HIGD1C: variants seen among roughly 807,000 people sequenced by gnomAD.
HIGD1C encodes the protein HIG1 domain family member 1C.
Under a neutral mutation model 13.1 loss-of-function variants are expected in HIGD1C, and 11 were observed. That is an observed-to-expected ratio of 0.84 (90% CI 0.53 to 1.39). The LOEUF (loss-of-function observed/expected upper bound fraction) is 1.39. Among genes scored for constraint, HIGD1C ranks in the 40% most tolerant of loss-of-function variants. The probability of loss-of-function intolerance (pLI) is 0.00; values close to 1 mark genes in which losing one functional copy is unlikely to be tolerated. For synonymous variants in HIGD1C, 36 were observed against 37.7 expected, an observed-to-expected ratio of 0.95 and a Z score of 0.17; for missense variants, 110 against 112.0, an observed-to-expected ratio of 0.98 and a Z score of 0.08.
At chr12:50,945,602 C>T in the HIGD1C span, among the ~76,000 whole-genome samples, 180 of 152,262 alleles carry the variant, frequency 1.2e-3, 1 homozygote, top group Non-Finnish European at 1.9e-3. Context: ...AATGGAAGAA[C>T]ATTCCATGCT....
At chr12:50,952,722 C>T (rs1363037793), upstream of HIGD1C, among the ~76,000 whole-genome samples, 2 of 152,190 alleles carry the variant, frequency 1.3e-5, no homozygotes, top group Non-Finnish European at 2.9e-5. Context: ...CCAGGTGAGC[C>T]CGGCGGGCTC....
At chr12:50,971,433 G>A (rs921710335), downstream of HIGD1C, among the ~76,000 whole-genome samples, 96 of 152,130 alleles carry the variant, frequency 6.3e-4, no homozygotes, top group Non-Finnish European at 1.3e-4. Context: ...AGACTTTAAA[G>A]TAGTTCTAGG....
the HIGD1C span, among the ~76,000 whole-genome samples, chr12:50,940,990 A>T: frequency 6.6e-6 from 1 of 151,810 alleles, no homozygotes. Flanking sequence ...GACCACAGGC[A>T]TGTGCCACCA....
At chr12:50,933,084 G>C in the HIGD1C span, among the ~76,000 whole-genome samples, 3 of 152,156 alleles carry the variant, frequency 2.0e-5, no homozygotes, top group Admixed American at 6.5e-5. Context: ...AAGTGGTGTG[G>C]CAAATATTAT....
chr12:50,937,904 A>C, the HIGD1C span, among the ~76,000 whole-genome samples: 1 of 152,074 alleles, frequency 6.6e-6, no homozygotes, highest in Non-Finnish European at 1.5e-5. Flanking sequence ...GTGCATGCTG[A>C]TGGGTCCATG....
downstream of HIGD1C, chr12:50,970,522 A>G: frequency 6.8e-7 from 1 of 1,475,070 alleles, no homozygotes; most frequent in Non-Finnish European, 9.2e-7. Context: ...ACATGCTGGA[A>G]GCAAGAAAGA....
intron 1 of HIGD1C, among the ~76,000 whole-genome samples, chr12:50,959,743 G>A (rs1046043158): frequency 1.3e-5 from 2 of 152,064 alleles, no homozygotes; most frequent in African/African-American, 4.8e-5. Context: ...CACCTCCTGG[G>A]TTCAAGTGAT....
the HIGD1C span, among the ~76,000 whole-genome samples, chr12:50,941,166 T>C: frequency 6.6e-6 from 1 of 152,132 alleles, no homozygotes; most frequent in Non-Finnish European, 1.5e-5. Context: ...TTTTTCATTT[T>C]TAGTAGAGAT....
intron 1 of HIGD1C, among the ~76,000 whole-genome samples, chr12:50,959,113 T>C (rs1323478916): frequency 2.0e-5 from 3 of 152,150 alleles, no homozygotes; most frequent in Non-Finnish European, 4.4e-5. Flanking sequence ...ACATCTACCA[T>C]ATCCTCTTTT....
At chr12:50,951,417 G>A (rs1047456213), upstream of HIGD1C, among the ~76,000 whole-genome samples, 1 of 152,208 alleles carries the variant, frequency 6.6e-6, no homozygotes, top group African/African-American at 2.4e-5. Context: ...TTAAACATTT[G>A]TCAGCACCAC....
intron 1 of HIGD1C, among the ~76,000 whole-genome samples, chr12:50,957,123 GAAT>G (rs1939124745): frequency 5.3e-5 from 8 of 151,722 alleles, no homozygotes; most frequent in Admixed American, 5.3e-4. Context: ...GATCATGAAA[GAAT>G]AAATATATCC....
intron 1 of HIGD1C, among the ~76,000 whole-genome samples, chr12:50,958,037 C>T (rs1286205820): frequency 1.3e-5 from 2 of 148,828 alleles, no homozygotes. Context: ...AACTTCTGAC[C>T]TCAAGTGATA....
the HIGD1C span, among the ~76,000 whole-genome samples, chr12:50,942,505 C>T: frequency 6.6e-6 from 1 of 152,234 alleles, no homozygotes; most frequent in East Asian, 1.9e-4. Flanking sequence ...TAAAAAATCA[C>T]TTCCTCCTTG....
chr12:50,945,427 C>T, the HIGD1C span, among the ~76,000 whole-genome samples: 260 of 152,212 alleles, frequency 1.7e-3, 1 homozygote, highest in Non-Finnish European at 3.0e-3. Context: ...ATAAGCATTC[C>T]TATACACCAA....
intron 2 of HIGD1C, among the ~76,000 whole-genome samples, chr12:50,965,655 T>G (rs906543354): frequency 2.0e-5 from 3 of 152,128 alleles, no homozygotes; most frequent in African/African-American, 7.2e-5. Context: ...ACCCCTACTT[T>G]GACTGGTAGG....
intron 2 of HIGD1C, among the ~76,000 whole-genome samples, chr12:50,963,446 T>C (rs1939424301): frequency 6.8e-6 from 1 of 147,146 alleles, no homozygotes. Flanking sequence ...CCTGCAAAGA[T>C]GAGCTAGAAC....
chr12:50,942,324 C>G, the HIGD1C span, among the ~76,000 whole-genome samples: 15 of 152,128 alleles, frequency 9.9e-5, no homozygotes, highest in Non-Finnish European at 1.8e-4. Context: ...AAACTGGAAA[C>G]CAGGACATCA....
At chr12:50,948,877 A>T in the HIGD1C span, among the ~76,000 whole-genome samples, 1 of 4,888 alleles carries the variant, frequency 2.0e-4, no homozygotes, top group African/African-American at 1.3e-3. Flanking sequence ...GGGGGAGGGG[A>T]GGGGGAGGGG....
In HIGD1C at chr12:50,961,115, AT is replaced by A. The variant is rs765547056; in HGVS notation, c.229+16del. ...GCTGTGACTCTAGGTAACCCGCTTA[AT>A]TTGTATCTTATGTTCAGCTGTCTTT... On this transcript the variant is annotated intron_variant, in intron 2 of 2. Transcript: ENST00000398455. 6.2e-7 allele frequency: 1 copy of A among 1,613,206 alleles called. No homozygotes were observed. The highest frequency in any genetic ancestry group is 8.5e-7 in the Non-Finnish European group (1 of 1,179,480).
Sources: allele counts gnomAD v4.1 joint callset (sites outside exome capture counted in the v4.1 genomes callset), GRCh38; gene constraint gnomAD v4.1.1; transcripts MANE v1.5; gene names NCBI Gene and HGNC (gene_info 2026-07-23, HGNC 2026-07-21).